ATP11A: variants seen among roughly 807,000 people sequenced by gnomAD.
ATP11A encodes the protein ATPase phospholipid transporting 11A.
A neutral mutation model predicts 154.4 loss-of-function variants in ATP11A; 81 were observed. That is an observed-to-expected ratio of 0.52 (90% CI 0.44 to 0.63). ATP11A has a LOEUF of 0.63. ATP11A is among the 30% of genes least tolerant of loss of function. ATP11A has a pLI of 0.00. For synonymous variants in ATP11A, 623 were observed against 585.9 expected (o/e 1.06, Z -0.91); for missense variants, 1,316 against 1,474.3 (o/e 0.89, Z 1.76).
At chr13:112,787,301 G>A (rs1423714656) in intron 2 of ATP11A, among the ~76,000 whole-genome samples, 7 of 103,128 alleles carry the variant, frequency 6.8e-5, no homozygotes, top group African/African-American at 3.1e-4. Flanking sequence ...ATTCACACCG[G>A]GTGTCCTGAT....
chr13:112,722,949 A>G (rs1594419742), intron 1 of ATP11A, among the ~76,000 whole-genome samples: 1 of 151,882 alleles, frequency 6.6e-6, no homozygotes, highest in East Asian at 1.9e-4. Flanking sequence ...CTTTTTAAGT[A>G]TTTTTTTTCA....
intron 1 of ATP11A, among the ~76,000 whole-genome samples, chr13:112,704,229 A>G (rs1383404595): frequency 6.6e-6 from 1 of 152,194 alleles, no homozygotes; most frequent in Non-Finnish European, 1.5e-5. Flanking sequence ...TTTTTAAATA[A>G]TCAAAGGTCT....
chr13:112,856,104 C>T lies in ATP11A; in HGVS notation c.2418+19C>T, dbSNP rs765765856. 4.4e-6 allele frequency: 7 copies of T among 1,602,200 alleles called. No homozygotes were observed. Among genetic ancestry groups the T allele is most frequent in the Admixed American group, 1.7e-5 (1 of 58,478 alleles). On this transcript the variant is annotated intron_variant, in intron 20 of 29. Coordinates refer to ENST00000375645, the MANE Select transcript of ATP11A (RefSeq NM_015205.3). ...GGCTCAGGTGCTGCCCGCCCGTCCTCGATAGCTGGTGGTCAGGGCGTCCAA... is the reference window on the plus strand; with the variant it reads ...GGCTCAGGTGCTGCCCGCCCGTCCTTGATAGCTGGTGGTCAGGGCGTCCAA...
chr13:112,759,817 A>G (rs1479742622), intron 1 of ATP11A, among the ~76,000 whole-genome samples: 1 of 152,234 alleles, frequency 6.6e-6, no homozygotes, highest in Non-Finnish European at 1.5e-5. Flanking sequence ...AATGTTATAA[A>G]CATTTTATCA....
At chr13:112,751,052 C>T (rs1207408426) in intron 1 of ATP11A, among the ~76,000 whole-genome samples, 2 of 152,238 alleles carry the variant, frequency 1.3e-5, no homozygotes, top group Non-Finnish European at 2.9e-5. Context: ...TGTGGAGGAG[C>T]TGAACCTTGG....
At position 112,875,891 on chromosome 13, in the gene ATP11A, A is replaced by C. The variant is rs749908231; in HGVS notation, c.3277A>C (p.Lys1093Gln). ...VTISLLPDVL[K>Q]KVLCRQLWPT... Reference sequence around the variant, plus strand: ...CATCAGCCTCCTTCCCGACGTCCTCAAGAAAGTCCTGTGCCGGCAGCTGTG... The same window carrying C: ...CATCAGCCTCCTTCCCGACGTCCTCCAGAAAGTCCTGTGCCGGCAGCTGTG... Residue 1093 changes from lysine to glutamine, a missense_variant, in exon 28 of 30, where the codon AAG becomes CAG. This residue lies in a region of ATP11A where 294 missense variants were observed against 290.2 expected (regional missense o/e 1.01). Transcript: ENST00000375645. The surrounding 1 kb of genome is among the most constrained non-coding windows in gnomAD (Gnocchi z 4.1). 1 of 1,613,614 alleles carries C rather than the reference A, an allele frequency of 6.2e-7. No homozygotes were observed.
At position 112,768,183 on chromosome 13, in the gene ATP11A, C is replaced by T. The variant is rs7321942; in HGVS notation, c.40-16952C>T. Among the ~76,000 whole-genome samples the T allele has an allele frequency of 8.6e-3, 1,303 of 152,372 alleles. 26 individuals are homozygous for T. The highest frequency in any genetic ancestry group is 0.03 in the African/African-American group (1,230 of 41,592). On this transcript the variant is annotated intron_variant, in intron 1 of 29. Transcript: ENST00000375645. ...CGGCCTCCCAAGATTGCGTGGAGCC[C>T]GGCCACTGCCAGGGCGGCCCTGTGA... is the stretch of plus-strand genomic sequence containing the variant.
Position 112,785,109 on chromosome 13 carries a change from G to A in ATP11A, c.40-26G>A. 1 of 1,440,578 alleles carries A rather than the reference G, an allele frequency of 6.9e-7. No individual in the cohort carries two copies. Among genetic ancestry groups the A allele is most frequent in the Non-Finnish European group, 9.2e-7 (1 of 1,090,132 alleles). 89.2% of individuals were successfully genotyped at this position (1,440,578 alleles called of 1,614,324 possible). On this transcript the variant is annotated intron_variant, in intron 1 of 29. Coordinates refer to ENST00000375645, the MANE Select transcript of ATP11A (RefSeq NM_015205.3). The surrounding 1 kb of genome is among the most constrained non-coding windows in gnomAD (Gnocchi z 4.8). ...TTTTGATGCAGGTTCTGAGGCAGCT[G>A]CCTAACACCGCTCTCCTTTCCGCAG...
Position 112,810,732 on chromosome 13 carries a change from T to C in ATP11A, c.441+6T>C. 2 of 1,612,952 alleles carry C rather than the reference T, an allele frequency of 1.2e-6. No individual in the cohort carries two copies. Among genetic ancestry groups the C allele is most frequent in the Non-Finnish European group, 1.7e-6 (2 of 1,178,942 alleles). On this transcript the variant is annotated splice_donor_region_variant and intron_variant, in intron 5 of 29. Coordinates refer to ENST00000375645, the MANE Select transcript of ATP11A (RefSeq NM_015205.3). ...AACAAAGTCGAAAGCTGCGAGTAAG[T>C]GACACCCGACACATTTACGCTGGTG...
chr13:112,881,890 G>C lies in ATP11A; in HGVS notation c.*24G>C, dbSNP rs1010354384. 1.5e-6 allele frequency: 2 copies of C among 1,367,764 alleles called. No individual in the cohort carries two copies. The highest frequency in any genetic ancestry group is 2.0e-6 in the Non-Finnish European group (2 of 1,021,984). The allele number at this position is 1,367,764 out of a possible 1,614,324, so 84.7% of individuals were successfully genotyped here. On this transcript the variant is annotated 3_prime_UTR_variant, in exon 30 of 30. Coordinates refer to ENST00000375645, the MANE Select transcript of ATP11A (RefSeq NM_015205.3). Reference sequence around the variant, plus strand: ...CCTCTCTGCAGAGCCCAGGCTACCAGAGCACCTGTCCCTCGGCCGCCTGGT... The same window carrying C: ...CCTCTCTGCAGAGCCCAGGCTACCACAGCACCTGTCCCTCGGCCGCCTGGT...
chr13:112,772,600 C>T (rs556590598), intron 1 of ATP11A, among the ~76,000 whole-genome samples: 6 of 127,260 alleles, frequency 4.7e-5, no homozygotes, highest in Non-Finnish European at 3.7e-5. Flanking sequence ...AAATGAAACC[C>T]CGTGCCCAGT....
intron 2 of ATP11A, among the ~76,000 whole-genome samples, chr13:112,799,925 A>G (rs2117191): frequency 0.013 from 2,046 of 152,352 alleles, 43 homozygotes; most frequent in African/African-American, 0.045. Flanking sequence ...GAGATTAAAC[A>G]AAACACTACT....
intron 1 of ATP11A, among the ~76,000 whole-genome samples, chr13:112,718,276 GA>G (rs537937056): frequency 4.4e-4 from 67 of 152,314 alleles, no homozygotes; most frequent in Middle Eastern, 6.8e-3. Flanking sequence ...AAAGCACCTG[GA>G]TTTTTTTGAC....
chr13:112,721,763 T>G (rs1889216378), intron 1 of ATP11A, among the ~76,000 whole-genome samples: 1 of 152,220 alleles, frequency 6.6e-6, no homozygotes, highest in African/African-American at 2.4e-5. Flanking sequence ...CGAATGACAT[T>G]GCATATAACT....
chr13:112,837,000 C>G (rs935149722), intron 16 of ATP11A, among the ~76,000 whole-genome samples: 3 of 152,232 alleles, frequency 2.0e-5, no homozygotes, highest in South Asian at 4.1e-4. Context: ...CGTCTCCCCC[C>G]ACCCTCAGCA....
chr13:112,827,022 G>GT, intron 12 of ATP11A, 131 bp downstream of exon 12: 1 of 849,682 alleles, frequency 1.2e-6, no homozygotes, highest in Non-Finnish European at 1.9e-6. Flanking sequence ...CAGCAGGGTT[G>GT]TTTTGAACCC....
Position 112,859,168 on chromosome 13 carries a change from A to C in ATP11A, c.2668-225A>C. On this transcript the variant is annotated intron_variant, in intron 22 of 29. Coordinates refer to ENST00000375645, the MANE Select transcript of ATP11A (RefSeq NM_015205.3). This position sits in a 1 kb window ranked among gnomAD's most constrained non-coding sequence, Gnocchi z 4.3. ...CTTCTTGTTTCTCTTGGAGCTGACA[A>C]ATTTCCTCTATACGTTGTCTGTCCT... The C allele has an allele frequency of 3.6e-6, 2 of 548,300 alleles. No individual in the cohort carries two copies. Among genetic ancestry groups the C allele is most frequent in the South Asian group, 4.1e-5 (2 of 49,086 alleles). 34.0% of individuals were successfully genotyped at this position (548,300 alleles called of 1,614,324 possible). A position where few individuals can be genotyped will look rare whatever the true frequency, so the allele number is the denominator to read the frequency against.
chr13:112,790,449 T>C lies in ATP11A; in HGVS notation c.162+5192T>C, dbSNP rs866630982. The stretch of plus-strand genomic sequence containing the variant: ...GGAGACCTGCTTAATTCACACCGGG[T>C]ATTCTGACATGTAGACTCCTGTGGA... On this transcript the variant is annotated intron_variant, in intron 2 of 29. Transcript: ENST00000375645. Among the ~76,000 whole-genome samples, 226 of 140,704 alleles carry C rather than the reference T, an allele frequency of 1.6e-3. 1 individual carries two copies. Among genetic ancestry groups the C allele is most frequent in the African/African-American group, 5.0e-3 (179 of 36,060 alleles). The allele number at this position is 140,704 out of a possible 152,430, so 92.3% of individuals were successfully genotyped here. A position where few individuals can be genotyped will look rare whatever the true frequency, so the allele number is the denominator to read the frequency against.
intron 13 of ATP11A, among the ~76,000 whole-genome samples, chr13:112,831,877 CACACACATGCAG>C (rs1937954666): frequency 6.6e-6 from 1 of 152,056 alleles, no homozygotes; most frequent in African/African-American, 2.4e-5. Flanking sequence ...TGTGTGCACA[CACACACATGCAG>C]ACACACGCAC....
Sources: allele counts gnomAD v4.1 joint callset (sites outside exome capture counted in the v4.1 genomes callset), GRCh38; gene constraint gnomAD v4.1.1; regional missense constraint gnomAD v4.1.1; non-coding constraint Gnocchi (gnomAD v3.1); transcripts MANE v1.5; gene names NCBI Gene and HGNC (gene_info 2026-07-23, HGNC 2026-07-21).